Variants in TERT observed in about 807,000 individuals in gnomAD.
TERT encodes the protein telomerase reverse transcriptase, also known as telomerase catalytic subunit.
TERT carries 42 observed loss-of-function variants against 104.0 expected under a neutral mutation model. The observed-to-expected ratio is 0.40, with a 90% CI of 0.32 to 0.52. TERT has a LOEUF of 0.52. TERT is among the 20% of genes least tolerant of loss of function. The probability of loss-of-function intolerance (pLI) is 0.43; values close to 1 mark genes in which losing one functional copy is unlikely to be tolerated. For missense variants in TERT, 1,101 were observed against 1,610.3 expected, an observed-to-expected ratio of 0.68 and a Z score of 5.41; for synonymous variants, 781 against 725.6, an observed-to-expected ratio of 1.08 and a Z score of -1.23.
intron 6 of TERT, 147 bp downstream of exon 6, chr5:1,278,494 C>T: frequency 8.5e-7 from 1 of 1,178,882 alleles, no homozygotes; most frequent in African/African-American, 1.5e-5. Flanking sequence ...CACCACGACA[C>T]ACACGTGCCA....
At position 1,263,042 on chromosome 5, in the gene TERT, C is replaced by T. The variant is rs566632181; in HGVS notation, c.2843+1362G>A. ...CATCCTTGTGGGGAGGGAGCTGCAA[C>T]AGGGACATGCTGGGCACCATGCACA... On this transcript the variant is annotated intron_variant, in intron 11 of 15. Transcript: ENST00000310581. The surrounding 1 kb of genome is among the most constrained non-coding windows in gnomAD (Gnocchi z 5.3). 2.8e-4 allele frequency among the ~76,000 whole-genome samples: 42 copies of T among 152,314 alleles called. No individual in the cohort carries two copies. Among genetic ancestry groups the T allele is most frequent in the African/African-American group, 9.6e-4 (40 of 41,576 alleles).
Position 1,269,185 on chromosome 5 carries a change from T to C in TERT, c.2469-552A>G, listed in dbSNP as rs1272082357. On this transcript the variant is annotated intron_variant, in intron 8 of 15. Coordinates refer to ENST00000310581, the MANE Select transcript of TERT (RefSeq NM_198253.3). The surrounding 1 kb of genome is among the most constrained non-coding windows in gnomAD (Gnocchi z 9.0). ...AACCTAAAGGTGCACACAGAAGGCATGGCTGCCACGCGACCCTCAGCCATC... is the reference window on the plus strand; with the variant it reads ...AACCTAAAGGTGCACACAGAAGGCACGGCTGCCACGCGACCCTCAGCCATC... Among the ~76,000 whole-genome samples, 1 of 152,108 alleles carries C rather than the reference T, an allele frequency of 6.6e-6. No individual in the cohort carries two copies. The highest frequency in any genetic ancestry group is 1.5e-5 in the Non-Finnish European group (1 of 68,016).
rs2126691987 is a variant in TERT, at chr5:1,294,873, C to T, written c.117G>A (p.Val39=). 4 of 1,448,866 alleles carry T rather than the reference C, an allele frequency of 2.8e-6. No homozygotes were observed. The highest frequency in any genetic ancestry group is 3.6e-6 in the Non-Finnish European group (4 of 1,107,856). 89.8% of individuals were successfully genotyped at this position (1,448,866 alleles called of 1,614,324 possible). The part of the protein sequence containing the change: ...RRLGPQGWRL[V]QRGDPAAFRA... The stretch of plus-strand genomic sequence containing the variant: ...GGAAAGCCGCCGGGTCCCCGCGCTG[C>T]ACCAGCCGCCAGCCCTGGGGCCCCA... The change falls in exon 1 of 16, where the codon GTG becomes GTA. Residue 39 remains valine (V), a synonymous_variant. Transcript: ENST00000310581.
Position 1,287,601 on chromosome 5 carries a change from A to G in TERT, c.1574-4977T>C, listed in dbSNP as rs571611675. ...GCCCAGTGTGGCAGTACTAAGAGCAATTTAAAAAAAGAATTACTAGATTAC... is the reference window on the plus strand; with the variant it reads ...GCCCAGTGTGGCAGTACTAAGAGCAGTTTAAAAAAAGAATTACTAGATTAC... On this transcript the variant is annotated intron_variant, in intron 2 of 15. Coordinates refer to ENST00000310581, the MANE Select transcript of TERT (RefSeq NM_198253.3). The surrounding 1 kb of genome is among the most constrained non-coding windows in gnomAD (Gnocchi z 4.3). Among the ~76,000 whole-genome samples the G allele has an allele frequency of 6.6e-6, 1 of 152,094 alleles. No individual in the cohort carries two copies. Among genetic ancestry groups the G allele is most frequent in the Non-Finnish European group, 1.5e-5 (1 of 68,004 alleles).
chr5:1,292,318 C>T lies in TERT; in HGVS notation c.1573+995G>A, dbSNP rs1480953218. The stretch of plus-strand genomic sequence containing the variant: ...TTCCTCAACATCAAATCCAGAAAAA[C>T]AGGGTGGGGACACGGCAGGGCCCAG... On this transcript the variant is annotated intron_variant, in intron 2 of 15. Transcript: ENST00000310581. This position sits in a 1 kb window ranked among gnomAD's most constrained non-coding sequence, Gnocchi z 5.5. Among the ~76,000 whole-genome samples, 2 of 152,012 alleles carry T rather than the reference C, an allele frequency of 1.3e-5. No homozygotes were observed. Among genetic ancestry groups the T allele is most frequent in the African/African-American group, 4.8e-5 (2 of 41,372 alleles).
rs1751050459 is a variant in TERT, at chr5:1,292,392, T to C, written c.1573+921A>G. Among the ~76,000 whole-genome samples, 1 of 152,176 alleles carries C rather than the reference T, an allele frequency of 6.6e-6. No individual in the cohort carries two copies. The highest frequency in any genetic ancestry group is 2.4e-5 in the African/African-American group (1 of 41,426). The stretch of plus-strand genomic sequence containing the variant: ...CAAACACTGTCCCTTCCTCAGCAGG[T>C]GGAGCCATCTGCTGTCCTCTGCTCC... On this transcript the variant is annotated intron_variant, in intron 2 of 15. Coordinates refer to ENST00000310581, the MANE Select transcript of TERT (RefSeq NM_198253.3). This position sits in a 1 kb window ranked among gnomAD's most constrained non-coding sequence, Gnocchi z 5.5.
intron 2 of TERT, among the ~76,000 whole-genome samples, chr5:1,291,216 A>AC (rs11414507): frequency 0.9 from 60,579 of 67,356 alleles, 27,835 homozygotes; most frequent in African/African-American, 0.96. Context: ...TGACAGGGAC[A>AC]CCTGGGGCCG....
chr5:1,289,191 G>C (rs972645742), intron 2 of TERT, among the ~76,000 whole-genome samples: 1 of 150,556 alleles, frequency 6.6e-6, no homozygotes, highest in Non-Finnish European at 1.5e-5. Context: ...CCCTACACGT[G>C]ACAGGGACAC....
chr5:1,268,690 A>C lies in TERT; in HGVS notation c.2469-57T>G. On this transcript the variant is annotated intron_variant, in intron 8 of 15. Coordinates refer to ENST00000310581, the MANE Select transcript of TERT (RefSeq NM_198253.3). The surrounding 1 kb of genome is among the most constrained non-coding windows in gnomAD (Gnocchi z 5.5). ...CAGGGCATGTGCTGGACATGCGTAC[A>C]CTCAAACCGAGCCACACACAGACAC... The C allele has an allele frequency of 8.1e-7, 1 of 1,230,148 alleles. No homozygotes were observed. Among genetic ancestry groups the C allele is most frequent in the Non-Finnish European group, 1.2e-6 (1 of 837,284 alleles). The allele number at this position is 1,230,148 out of a possible 1,614,324, so 76.2% of individuals were successfully genotyped here.
chr5:1,287,429 G>A lies in TERT; in HGVS notation c.1574-4805C>T, dbSNP rs1750560120. Among the ~76,000 whole-genome samples, 1 of 151,084 alleles carries A rather than the reference G, an allele frequency of 6.6e-6. No homozygotes were observed. The highest frequency in any genetic ancestry group is 1.9e-4 in the East Asian group (1 of 5,164). On this transcript the variant is annotated intron_variant, in intron 2 of 15. Coordinates refer to ENST00000310581, the MANE Select transcript of TERT (RefSeq NM_198253.3). This position sits in a 1 kb window ranked among gnomAD's most constrained non-coding sequence, Gnocchi z 4.3. Reference sequence around the variant, plus strand: ...GTGAGAGGACGGCTCAGGCCAGAAGGTAAAAGTTACACTGACCTGTGATCA... The same window carrying A: ...GTGAGAGGACGGCTCAGGCCAGAAGATAAAAGTTACACTGACCTGTGATCA...
intron 6 of TERT, among the ~76,000 whole-genome samples, chr5:1,277,110 G>A (rs1458890570): frequency 6.6e-6 from 1 of 152,204 alleles, no homozygotes; most frequent in Non-Finnish European, 1.5e-5. Context: ...CTGTGGGCAC[G>A]TGGGCATCAA....
chr5:1,277,045 G>A (rs778069289), intron 6 of TERT, among the ~76,000 whole-genome samples: 25 of 152,198 alleles, frequency 1.6e-4, no homozygotes, highest in Non-Finnish European at 2.9e-4. Flanking sequence ...TACAGAGCGG[G>A]GCAGGACGGA....
At position 1,256,875 on chromosome 5, in the gene TERT, G is replaced by C. The variant is rs1018373106; in HGVS notation, c.3033-1464C>G. ...AGGTCGGGGCGTCCACCCCAAGCCC[G>C]TGTGGAGGCGCGGCCAGCACGGGCC... is the stretch of plus-strand genomic sequence containing the variant. On this transcript the variant is annotated intron_variant, in intron 13 of 15. Transcript: ENST00000310581. The surrounding 1 kb of genome is among the most constrained non-coding windows in gnomAD (Gnocchi z 7.0). Among the ~76,000 whole-genome samples, 1 of 152,166 alleles carries C rather than the reference G, an allele frequency of 6.6e-6. No individual in the cohort carries two copies. The highest frequency in any genetic ancestry group is 2.4e-5 in the African/African-American group (1 of 41,434).
rs186730900 is a variant in TERT at position 1,270,483 on chromosome 5, C to T, written c.2468+636G>A. ...GTGGTTTTACTTAAAATCCAGAGGA[C>T]GTGATGTGGCACCAGGCACTGTGGC... On this transcript the variant is annotated intron_variant, in intron 8 of 15. Transcript: ENST00000310581. This position sits in a 1 kb window ranked among gnomAD's most constrained non-coding sequence, Gnocchi z 8.3. 2.0e-5 allele frequency among the ~76,000 whole-genome samples: 3 copies of T among 152,324 alleles called. No homozygotes were observed. Among genetic ancestry groups the T allele is most frequent in the South Asian group, 2.1e-4 (1 of 4,828 alleles).
intron 12 of TERT, among the ~76,000 whole-genome samples, chr5:1,259,934 A>G (rs1579550527): frequency 8.7e-6 from 1 of 114,466 alleles, no homozygotes; most frequent in African/African-American, 3.5e-5. Context: ...TGCCCACAGG[A>G]GAGGGGGTGT....
rs567570898 is a variant in TERT, at chr5:1,286,860, A to G, written c.1574-4236T>C. On this transcript the variant is annotated intron_variant, in intron 2 of 15. Coordinates refer to ENST00000310581, the MANE Select transcript of TERT (RefSeq NM_198253.3). This position sits in a 1 kb window ranked among gnomAD's most constrained non-coding sequence, Gnocchi z 5.3. ...GCCATTACACTCCAGCCTGGGTGAC[A>G]GAGTGAGACTGTCTCAATAAACAAA... Among the ~76,000 whole-genome samples the G allele has an allele frequency of 1.3e-5, 2 of 152,310 alleles. No homozygotes were observed. The highest frequency in any genetic ancestry group is 4.8e-5 in the African/African-American group (2 of 41,570).
At position 1,258,582 on chromosome 5, in the gene TERT, C is replaced by G. The variant is rs1172350272; in HGVS notation, c.3032+16G>C. Reference sequence around the variant, plus strand: ...GTCCCTGGAGGCTGGGCCTGCACCCCTTGGTGGCGGCTCACCTGTACGCCT... The same window carrying G: ...GTCCCTGGAGGCTGGGCCTGCACCCGTTGGTGGCGGCTCACCTGTACGCCT... On this transcript the variant is annotated intron_variant, in intron 13 of 15. Transcript: ENST00000310581. 1.3e-6 allele frequency: 2 copies of G among 1,561,372 alleles called. No individual in the cohort carries two copies. Among genetic ancestry groups the G allele is most frequent in the Non-Finnish European group, 8.7e-7 (1 of 1,152,218 alleles).
rs1750639239 is a variant in TERT at position 1,288,651 on chromosome 5, G to T, written c.1573+4662C>A. Among the ~76,000 whole-genome samples the T allele has an allele frequency of 6.6e-6, 1 of 152,130 alleles. No individual in the cohort carries two copies. Among genetic ancestry groups the T allele is most frequent in the African/African-American group, 2.4e-5 (1 of 41,414 alleles). ...TGGGAGAAAACAGGACAAGTGAGGGGGCTGGGGTGACTTGCTTTCCTTCAG... is the reference window on the plus strand; with the variant it reads ...TGGGAGAAAACAGGACAAGTGAGGGTGCTGGGGTGACTTGCTTTCCTTCAG... On this transcript the variant is annotated intron_variant, in intron 2 of 15. Transcript: ENST00000310581. This position sits in a 1 kb window ranked among gnomAD's most constrained non-coding sequence, Gnocchi z 5.3.
In TERT at chr5:1,275,535, C is replaced by T. The variant is rs552942531; in HGVS notation, c.2286+3106G>A. Among the ~76,000 whole-genome samples, 569 of 152,102 alleles carry T rather than the reference C, an allele frequency of 3.7e-3. 3 individuals carry two copies. Among genetic ancestry groups the T allele is most frequent in the African/African-American group, 0.013 (528 of 41,502 alleles). On this transcript the variant is annotated intron_variant, in intron 6 of 15. Coordinates refer to ENST00000310581, the MANE Select transcript of TERT (RefSeq NM_198253.3). ...GCCACACACCACAGCAGGCACCACA[C>T]GACCCCAGAGTGGAAGAAACAGAAC...
Sources: gnomAD v4.1 joint callset for allele counts (sites outside exome capture counted in the v4.1 genomes callset) on GRCh38, gnomAD v4.1.1 for gene constraint, Gnocchi (gnomAD v3.1) non-coding constraint, MANE v1.5 for transcripts, NCBI Gene and HGNC (gene_info 2026-07-23, HGNC 2026-07-21) for gene names.